The following STS variants were observed in gnomAD, a reference collection of about 807,000 sequenced individuals.
The protein encoded by STS is steroid sulfatase, also known as steryl-sulfatase.
Under a neutral mutation model 26.8 loss-of-function variants are expected in STS, and 7 were observed. The observed-to-expected ratio is 0.26, with a 90% CI of 0.15 to 0.49. STS has a LOEUF of 0.49. Ranked by LOEUF, STS falls within the 20% of genes least tolerant of loss-of-function variation. The pLI is 0.98. For missense variants in STS, 434 were observed against 465.6 expected (o/e 0.93, Z 0.63); for synonymous variants, 199 against 189.4 (o/e 1.05, Z -0.42).
intron 2 of STS, among the ~76,000 whole-genome samples, chrX:7,235,497 G>A (rs1922272806): frequency 8.9e-6 from 1 of 111,921 alleles, no homozygotes; most frequent in South Asian, 3.7e-4. Context: ...AGTTAGCCGG[G>A]TCCATTGGTT....
rs150353073 is a variant in STS, at chrX:7,316,245, G to A, written c.1082-9094G>A. Among the ~76,000 whole-genome samples, 76 of 112,018 alleles carry A rather than the reference G, an allele frequency of 6.8e-4. 1 individual carries two copies. In the East Asian group the frequency reaches 0.02, roughly 29 times the overall value. On this transcript the variant is annotated intron_variant, in intron 8 of 10. Coordinates refer to ENST00000674429, the MANE Select transcript of STS (RefSeq NM_001320752.2). ...AGAAGTTGCTGTGACACTTCCCCCCGATGCTGAAGGATTTAATATTATGGA... is the reference window on the plus strand; with the variant it reads ...AGAAGTTGCTGTGACACTTCCCCCCAATGCTGAAGGATTTAATATTATGGA...
chrX:7,199,955 A>C (rs1934039075), intron 2 of STS, among the ~76,000 whole-genome samples: 2 of 111,313 alleles, frequency 1.8e-5, no homozygotes, highest in Admixed American at 1.9e-4. Context: ...AAGTATGTGA[A>C]GCACATTTAA....
At chrX:7,336,600 C>G (rs1928042437) in intron 10 of STS, among the ~76,000 whole-genome samples, 1 of 111,823 alleles carries the variant, frequency 8.9e-6, no homozygotes, top group Non-Finnish European at 1.9e-5. Flanking sequence ...ATCCATGTGG[C>G]CACAATTCCT....
chrX:7,312,468 G>A (rs1233673088), intron 8 of STS, among the ~76,000 whole-genome samples: 1 of 111,513 alleles, frequency 9.0e-6, no homozygotes, highest in Non-Finnish European at 1.9e-5. Context: ...AGAACTTACT[G>A]AATGAGTAGG....
At chrX:7,148,928 T>C (rs1276477863) in intron 1 of STS, among the ~76,000 whole-genome samples, 3 of 100,025 alleles carry the variant, frequency 3.0e-5, no homozygotes, top group Non-Finnish European at 4.0e-5. Context: ...ACTTTTCAAA[T>C]GCCACCTAAA....
chrX:7,158,225 T>C (rs781498465), intron 1 of STS, among the ~76,000 whole-genome samples: 1 of 111,960 alleles, frequency 8.9e-6, no homozygotes, highest in African/African-American at 3.2e-5. Flanking sequence ...GATCCCTGCC[T>C]GATCTGCTCT....
chrX:7,333,594 C>T (rs1416760474), intron 9 of STS, among the ~76,000 whole-genome samples: 2 of 112,350 alleles, frequency 1.8e-5, no homozygotes, highest in Non-Finnish European at 3.8e-5. Context: ...ATGAATAAAG[C>T]TTTCCCTTTG....
intron 1 of STS, among the ~76,000 whole-genome samples, chrX:7,163,889 G>A (rs1266100029): frequency 8.9e-6 from 1 of 112,255 alleles, no homozygotes; most frequent in Non-Finnish European, 1.9e-5. Flanking sequence ...CTCGATCTCA[G>A]CTCACTGCAA....
At chrX:7,200,081 T>C (rs1344051213) in intron 2 of STS, among the ~76,000 whole-genome samples, 2 of 108,949 alleles carry the variant, frequency 1.8e-5, no homozygotes, top group Admixed American at 2.0e-4. Context: ...TTAATAATAC[T>C]GTTGTGTACT....
chrX:7,148,072 G>T lies in STS; in HGVS notation c.-145G>T. ...ACCCACCCAGAAGAAGTCCGTCCATGTCAAAGATGAGGTGGGTGACGGGCT... is the reference window on the plus strand; with the variant it reads ...ACCCACCCAGAAGAAGTCCGTCCATTTCAAAGATGAGGTGGGTGACGGGCT... On this transcript the variant is annotated 5_prime_UTR_variant, in exon 1 of 11. It removes an upstream start codon present in the reference 5' UTR. Coordinates refer to ENST00000674429, the MANE Select transcript of STS (RefSeq NM_001320752.2). The T allele has an allele frequency of 8.8e-7, 1 of 1,139,014 alleles. No individual in the cohort carries two copies. The highest frequency in any genetic ancestry group is 1.2e-6 in the Non-Finnish European group (1 of 857,790). The allele number at this position is 1,139,014 out of a possible 1,213,427, so 93.9% of individuals were successfully genotyped here.
chrX:7,225,032 T>C (rs181702998), intron 2 of STS, among the ~76,000 whole-genome samples: 6 of 112,230 alleles, frequency 5.3e-5, no homozygotes, highest in South Asian at 7.5e-4. Context: ...GGGGTCCTCA[T>C]TGGGAAGCCG....
chrX:7,277,161 T>C (rs1924580218), intron 7 of STS, among the ~76,000 whole-genome samples: 1 of 112,116 alleles, frequency 8.9e-6, no homozygotes. Context: ...CCTCTTACTT[T>C]TACATTGCTG....
intron 8 of STS, 96 bp from the exon 9 acceptor site, chrX:7,325,243 G>T (rs923967110): frequency 3.3e-6 from 3 of 910,914 alleles, no homozygotes; most frequent in Non-Finnish European, 3.1e-6. Flanking sequence ...TAGAGCAGTT[G>T]GTTCTTCTAC....
intron 2 of STS, among the ~76,000 whole-genome samples, chrX:7,225,200 G>T (rs1405515647): frequency 9.0e-6 from 1 of 111,399 alleles, no homozygotes; most frequent in Admixed American, 9.6e-5. Context: ...AATGTAGCTC[G>T]GATTCAATAA....
chrX:7,262,910 AAGGTTATAGAT>A (rs1923814664), intron 6 of STS, among the ~76,000 whole-genome samples: 1 of 112,145 alleles, frequency 8.9e-6, no homozygotes, highest in Admixed American at 9.5e-5. Context: ...GAATTTGCCC[AAGGTTATAGAT>A]AGGTGTAAAC....
intron 6 of STS, among the ~76,000 whole-genome samples, chrX:7,259,980 A>G (rs1359760570): frequency 1.8e-5 from 2 of 111,224 alleles, no homozygotes; most frequent in Non-Finnish European, 3.8e-5. Context: ...AGTTCACGCC[A>G]TTCTCCTGCC....
chrX:7,194,639 A>G (rs761930738), intron 2 of STS, among the ~76,000 whole-genome samples: 2 of 111,685 alleles, frequency 1.8e-5, no homozygotes, highest in African/African-American at 3.3e-5. Context: ...ATCCTCCCGT[A>G]GTTGACCTGG....
rs1248965251 is a variant in STS, at chrX:7,258,219, AGATG to A, written c.382+644_382+647del. ...GGGACAAAGATGAGATAGATGGGGT[AGATG>A]GATGGATGGATGAAATAGATGATGA... On this transcript the variant is annotated intron_variant, in intron 5 of 10. Coordinates refer to ENST00000674429, the MANE Select transcript of STS (RefSeq NM_001320752.2). Among the ~76,000 whole-genome samples, 3 of 106,788 alleles carry A rather than the reference AGATG, an allele frequency of 2.8e-5. No homozygotes were observed. The Admixed American group carries it at 3.0e-4, about 11-fold the overall frequency. The allele number at this position is 106,788 out of a possible 115,157, so 92.7% of individuals were successfully genotyped here.
At chrX:7,261,300 G>A (rs1211703278) in intron 6 of STS, among the ~76,000 whole-genome samples, 1 of 111,181 alleles carries the variant, frequency 9.0e-6, no homozygotes, top group African/African-American at 3.3e-5. Context: ...ATATTGGTTT[G>A]TCATCCAATT....
Sources: gnomAD v4.1 joint callset for allele counts (sites outside exome capture counted in the v4.1 genomes callset) on GRCh38, gnomAD v4.1.1 for gene constraint, MANE v1.5 for transcripts, NCBI Gene and HGNC (gene_info 2026-07-23, HGNC 2026-07-21) for gene names.